The following SAFB variants were observed in gnomAD, a reference collection of about 807,000 sequenced individuals.
SAFB encodes the protein scaffold attachment factor B1.
Under a neutral mutation model 101.6 loss-of-function variants are expected in SAFB, and 15 were observed. The ratio of observed to expected loss-of-function variants is 0.15; its 90% CI spans 0.10 to 0.23. SAFB has a LOEUF of 0.23. SAFB is among the 10% of genes least tolerant of loss of function. The pLI, the probability that SAFB is intolerant of heterozygous loss-of-function variation, is 1.00. For missense variants in SAFB, 930 were observed against 1,104.1 expected (o/e 0.84, Z 2.23); for synonymous variants, 449 against 407.5 (o/e 1.10, Z -1.23).
intron 2 of SAFB, among the ~76,000 whole-genome samples, chr19:5,635,863 A>G (rs2053584603): frequency 6.6e-6 from 1 of 152,086 alleles, no homozygotes; most frequent in Admixed American, 6.6e-5. Flanking sequence ...TGGCCTTGAT[A>G]CTAAAGACAA....
chr19:5,658,866 G>T (rs930757729), intron 14 of SAFB, among the ~76,000 whole-genome samples: 3 of 149,560 alleles, frequency 2.0e-5, no homozygotes, highest in Non-Finnish European at 4.5e-5. Context: ...GGGTCGGGGG[G>T]CCGGGCGCGG....
In SAFB at chr19:5,661,722, T is replaced by G. The variant is rs373905947; in HGVS notation, c.2067T>G (p.Arg689=). The G allele has an allele frequency of 2.0e-5, 32 of 1,596,810 alleles. No homozygotes were observed. The highest frequency in any genetic ancestry group is 2.5e-5 in the Non-Finnish European group (29 of 1,174,042). Residue 689 remains arginine, a synonymous_variant, in exon 15 of 21, where the codon CGT becomes CGG. Coordinates refer to ENST00000588852, the MANE Select transcript of SAFB (RefSeq NM_001201338.2). ...ERRREQERIH[R]EREELRRQQE... ...GGCGCGAGCAGGAGCGCATCCACCG[T>G]GAGCGCGAGGAGCTGAGGCGCCAGC...
Position 5,638,123 on chromosome 19 carries a change from C to T in SAFB, c.275-3471C>T, listed in dbSNP as rs368063230. Among the ~76,000 whole-genome samples the T allele has an allele frequency of 3.9e-5, 6 of 152,046 alleles. No homozygotes were observed. The South Asian group carries it at 1.0e-3, about 26-fold the overall frequency. On this transcript the variant is annotated intron_variant, in intron 2 of 20. Coordinates refer to ENST00000588852, the MANE Select transcript of SAFB (RefSeq NM_001201338.2). ...AAATACTGCTGTTTGGATGAAGGTG[C>T]CAGCATGCCTGCCCTTGTGAACTGT... is the stretch of plus-strand genomic sequence containing the variant.
In SAFB at chr19:5,623,099, G is replaced by A; in HGVS notation, c.-107G>A. On this transcript the variant is annotated 5_prime_UTR_variant, in exon 1 of 21. Transcript: ENST00000588852. ...CGCCTGCGCAGAAGCGAGGCGCGCT[G>A]GGGCGACTGGAGCGGTTCCCTCGCA... 1.7e-6 allele frequency: 2 copies of A among 1,178,226 alleles called. No individual in the cohort carries two copies. Among genetic ancestry groups the A allele is most frequent in the South Asian group, 2.8e-5 (2 of 72,258 alleles). 73.0% of individuals were successfully genotyped at this position (1,178,226 alleles called of 1,614,324 possible). A position where few individuals can be genotyped will look rare whatever the true frequency, so the allele number is the denominator to read the frequency against.
At position 5,668,144 on chromosome 19, in the gene SAFB, A is replaced by G. The variant is rs375475213; in HGVS notation, c.2625-18A>G. 1.4e-4 allele frequency: 225 copies of G among 1,604,540 alleles called. No homozygotes were observed. The highest frequency in any genetic ancestry group is 8.9e-4 in the Admixed American group (51 of 57,566). On this transcript the variant is annotated intron_variant, in intron 20 of 20. Coordinates refer to ENST00000588852, the MANE Select transcript of SAFB (RefSeq NM_001201338.2). ...GCAGGAGGACTTCGCAGTCAAACCA[A>G]TGTGAATTTGTTCCTAGGCGCGGCA...
In SAFB at chr19:5,667,539, G is replaced by C; in HGVS notation, c.2557+89G>C. On this transcript the variant is annotated intron_variant, in intron 19 of 20. Transcript: ENST00000588852. The surrounding 1 kb of genome is among the most constrained non-coding windows in gnomAD (Gnocchi z 4.0). ...GCCTTCTCTCCTTGGGGGAGCACAG[G>C]AGGTGCTCTGCTCTCAGTGCTGGAA... 1 of 909,530 alleles carries C rather than the reference G, an allele frequency of 1.1e-6. No individual in the cohort carries two copies. Among genetic ancestry groups the C allele is most frequent in the Non-Finnish European group, 1.7e-6 (1 of 590,780 alleles). The allele number at this position is 909,530 out of a possible 1,614,324, so 56.3% of individuals were successfully genotyped here. A position where few individuals can be genotyped will look rare whatever the true frequency, so the allele number is the denominator to read the frequency against.
At chr19:5,624,643 G>T (rs2053308420) in intron 1 of SAFB, among the ~76,000 whole-genome samples, 1 of 151,434 alleles carries the variant, frequency 6.6e-6, no homozygotes, top group Non-Finnish European at 1.5e-5. Context: ...GAACTACGGA[G>T]ATCACAGGGC....
chr19:5,635,110 C>T (rs1436012205), intron 2 of SAFB, among the ~76,000 whole-genome samples: 3 of 152,084 alleles, frequency 2.0e-5, no homozygotes, highest in African/African-American at 7.2e-5. Flanking sequence ...TGCACTCCAG[C>T]CTGGGCAACA....
At chr19:5,656,575 ATTTTTT>A (rs918418902) in intron 13 of SAFB, among the ~76,000 whole-genome samples, 5 of 128,358 alleles carry the variant, frequency 3.9e-5, no homozygotes, top group African/African-American at 1.5e-4. Context: ...TGCGCCAGCA[ATTTTTT>A]TTTTTTTTTT....
chr19:5,658,568 G>A (rs1394179269), intron 14 of SAFB, among the ~76,000 whole-genome samples: 11 of 152,006 alleles, frequency 7.2e-5, no homozygotes, highest in African/African-American at 2.4e-4. Context: ...GGCCAGGCGC[G>A]GTGGCTCAAG....
intron 2 of SAFB, among the ~76,000 whole-genome samples, chr19:5,630,038 TCAAAAA>T (rs923855395): frequency 7.7e-4 from 117 of 152,210 alleles, no homozygotes; most frequent in African/African-American, 1.7e-3. Context: ...TGAGGCTGTC[TCAAAAA>T]CAAAAACAAA....
At chr19:5,642,170 G>T in intron 4 of SAFB, 1 of 592,438 alleles carries the variant, frequency 1.7e-6, no homozygotes, top group South Asian at 1.6e-5. Flanking sequence ...TACAGTATGA[G>T]ACATTTTGAG....
chr19:5,667,105 G>T lies in SAFB; in HGVS notation c.2394G>T (p.Trp798Cys). 1.2e-6 allele frequency: 2 copies of T among 1,612,848 alleles called. No homozygotes were observed. Among genetic ancestry groups the T allele is most frequent in the Admixed American group, 1.7e-5 (1 of 60,018 alleles). ...ERHGRDSRDG[W>C]GGYGSDKRMS... ...ACGGCCGGGACTCCCGCGATGGCTG[G>T]GGGGGCTATGGCTCTGACAAGAGGA... The change falls in exon 18 of 21, where the codon TGG becomes TGT. Residue 798 changes from tryptophan (W) to cysteine (C), a missense_variant. Coordinates refer to ENST00000588852, the MANE Select transcript of SAFB (RefSeq NM_001201338.2). The surrounding 1 kb of genome is among the most constrained non-coding windows in gnomAD (Gnocchi z 4.0).
intron 7 of SAFB, chr19:5,649,705 C>G (rs12972378): frequency 1.2e-6 from 1 of 807,534 alleles, no homozygotes; most frequent in Non-Finnish European, 2.0e-6. Context: ...TGGTTGTGTT[C>G]TTAAATTCTT....
intron 2 of SAFB, among the ~76,000 whole-genome samples, chr19:5,640,917 G>A (rs2053695895): frequency 6.8e-6 from 1 of 147,224 alleles, no homozygotes; most frequent in African/African-American, 2.5e-5. Flanking sequence ...GATAGTATGT[G>A]GGTTTTTTGT....
chr19:5,659,979 C>G (rs1002014893), intron 14 of SAFB, among the ~76,000 whole-genome samples: 3 of 152,178 alleles, frequency 2.0e-5, no homozygotes, highest in Non-Finnish European at 4.4e-5. Flanking sequence ...GGGGCTCCTC[C>G]GGAAGGTGCT....
At chr19:5,663,088 C>T (rs1266202851) in intron 15 of SAFB, among the ~76,000 whole-genome samples, 2 of 152,076 alleles carry the variant, frequency 1.3e-5, no homozygotes, top group East Asian at 1.9e-4. Flanking sequence ...CTGCAGCTTC[C>T]GCCTCCTGGG....
intron 2 of SAFB, among the ~76,000 whole-genome samples, chr19:5,631,651 A>G (rs564479986): frequency 8.0e-4 from 122 of 152,340 alleles, no homozygotes; most frequent in African/African-American, 2.7e-3. Context: ...GCACTTGGCC[A>G]AAACAGAATT....
At chr19:5,647,957 T>C in intron 5 of SAFB, 59 bp from the exon 6 acceptor site, 1 of 1,467,944 alleles carries the variant, frequency 6.8e-7, no homozygotes, top group East Asian at 2.3e-5. Flanking sequence ...GGGTTTTCAT[T>C]TAAATAAACT....
Sources: allele counts gnomAD v4.1 joint callset (sites outside exome capture counted in the v4.1 genomes callset), GRCh38; gene constraint gnomAD v4.1.1; non-coding constraint Gnocchi (gnomAD v3.1); transcripts MANE v1.5; gene names NCBI Gene and HGNC (gene_info 2026-07-23, HGNC 2026-07-21).